Variants in KIF5C observed in about 807,000 individuals in gnomAD.
KIF5C encodes the protein kinesin heavy chain isoform 5C.
KIF5C carries 18 observed loss-of-function variants against 125.2 expected under a neutral mutation model. The ratio of observed to expected loss-of-function variants is 0.14; its 90% CI spans 0.10 to 0.21. KIF5C has a LOEUF of 0.21. Ranked by LOEUF, KIF5C falls within the 10% of genes least tolerant of loss-of-function variation. The pLI, the probability that KIF5C is intolerant of heterozygous loss-of-function variation, is 1.00. For missense variants in KIF5C, 780 were observed against 1,183.8 expected (o/e 0.66, Z 5.01); for synonymous variants, 405 against 434.0 (o/e 0.93, Z 0.83).
intron 9 of KIF5C, 48 bp downstream of exon 9, chr2:148,949,991 C>A (rs1469683732): frequency 1.1e-5 from 18 of 1,572,564 alleles, no homozygotes; most frequent in Non-Finnish European, 1.4e-5. Context: ...GAGAAACCAC[C>A]TTTTGGGGCC....
At chr2:148,947,088 T>C (rs1291346643) in intron 8 of KIF5C, 65 bp downstream of exon 8, 2 of 1,515,312 alleles carry the variant, frequency 1.3e-6, no homozygotes, top group African/African-American at 2.8e-5. Flanking sequence ...TGTGCAATGG[T>C]ATAATTTTTA....
intron 1 of KIF5C, among the ~76,000 whole-genome samples, chr2:148,913,550 G>T (rs1223372930): frequency 6.6e-6 from 1 of 152,194 alleles, no homozygotes; most frequent in African/African-American, 2.4e-5. Flanking sequence ...GCCTCTCTAT[G>T]CATCATACTT....
At chr2:148,913,124 T>C (rs2105069975) in intron 1 of KIF5C, among the ~76,000 whole-genome samples, 1 of 152,372 alleles carries the variant, frequency 6.6e-6, no homozygotes, top group South Asian at 2.1e-4. Flanking sequence ...ATCCATAATA[T>C]GTAGAAGCAA....
intron 3 of KIF5C, among the ~76,000 whole-genome samples, chr2:148,934,558 C>T (rs1471133488): frequency 1.8e-5 from 2 of 109,920 alleles, no homozygotes; most frequent in Non-Finnish European, 4.3e-5. Context: ...CACGCATACA[C>T]ACACACACAC....
At chr2:148,879,735 G>A (rs1681295473) in intron 1 of KIF5C, 1 of 152,226 alleles carries the variant, frequency 6.6e-6, no homozygotes, top group African/African-American at 2.4e-5. Flanking sequence ...GAAGCTCTCT[G>A]ACATGGTGAG....
rs184331639 is a variant in KIF5C, at chr2:148,960,177, A to G, written c.969-1794A>G. Among the ~76,000 whole-genome samples, 17 of 152,318 alleles carry G rather than the reference A, an allele frequency of 1.1e-4. No individual in the cohort carries two copies. The East Asian group carries it at 3.1e-3, about 28-fold the overall frequency. On this transcript the variant is annotated intron_variant, in intron 10 of 25. Coordinates refer to ENST00000435030, the MANE Select transcript of KIF5C (RefSeq NM_004522.3). The stretch of plus-strand genomic sequence containing the variant: ...AGGACCAGTTACACCAATGGTGATA[A>G]CCTTGCTGAGTCTGCTCACAAAATA...
intron 21 of KIF5C, among the ~76,000 whole-genome samples, chr2:149,004,442 C>T (rs1294507622): frequency 6.6e-6 from 1 of 152,140 alleles, no homozygotes; most frequent in Non-Finnish European, 1.5e-5. Flanking sequence ...TACATGGAGA[C>T]TTGAGCAGAC....
chr2:148,908,512 G>C (rs1482181311), intron 1 of KIF5C, among the ~76,000 whole-genome samples: 1 of 152,164 alleles, frequency 6.6e-6, no homozygotes, highest in African/African-American at 2.4e-5. Context: ...AGCGTAGTAG[G>C]AGAGGGGTTA....
chr2:148,901,137 T>C (rs1220700878), intron 1 of KIF5C, among the ~76,000 whole-genome samples: 1 of 152,176 alleles, frequency 6.6e-6, no homozygotes, highest in Non-Finnish European at 1.5e-5. Flanking sequence ...GTCAAAATCA[T>C]CTAGTGGAAT....
At chr2:148,944,885 A>G (rs988514182) in intron 7 of KIF5C, among the ~76,000 whole-genome samples, 11 of 152,082 alleles carry the variant, frequency 7.2e-5, no homozygotes, top group Non-Finnish European at 1.3e-4. Flanking sequence ...TTTGATTTGC[A>G]TTTCCCTAAT....
intron 15 of KIF5C, among the ~76,000 whole-genome samples, chr2:148,990,667 T>A (rs1681500977): frequency 2.0e-5 from 3 of 152,244 alleles, no homozygotes; most frequent in Non-Finnish European, 1.5e-5. Flanking sequence ...GTTACAGAGA[T>A]GTAAGGTGTA....
intron 1 of KIF5C, among the ~76,000 whole-genome samples, chr2:148,892,078 G>A (rs1681723334): frequency 6.6e-6 from 1 of 152,172 alleles, no homozygotes; most frequent in Admixed American, 6.5e-5. Flanking sequence ...GGAAACTTGG[G>A]CATAGAGAGG....
At position 149,018,501 on chromosome 2, in the gene KIF5C, A is replaced by G. The variant is rs1032825185; in HGVS notation, c.*8-4577A>G. The stretch of plus-strand genomic sequence containing the variant: ...ATGATCTTCTCTGCAACAGTTCTCA[A>G]AGTTCTTGGCCTTAGGACCTTTTCT... On this transcript the variant is annotated intron_variant, in intron 25 of 25. Coordinates refer to ENST00000435030, the MANE Select transcript of KIF5C (RefSeq NM_004522.3). Among the ~76,000 whole-genome samples, 96 of 152,058 alleles carry G rather than the reference A, an allele frequency of 6.3e-4. 1 individual carries two copies. The highest frequency in any genetic ancestry group is 2.3e-3 in the African/African-American group (95 of 41,378).
intron 12 of KIF5C, among the ~76,000 whole-genome samples, chr2:148,974,288 A>T (rs1352503181): frequency 3.3e-5 from 5 of 152,228 alleles, no homozygotes; most frequent in African/African-American, 1.2e-4. Flanking sequence ...TGATATTTTT[A>T]GCCTGATTTA....
At chr2:149,000,036 G>A (rs1036924029) in intron 19 of KIF5C, 3 of 169,578 alleles carry the variant, frequency 1.8e-5, no homozygotes, top group African/African-American at 4.7e-5. Flanking sequence ...AATGAGGGAA[G>A]GTGGAAATGG....
chr2:148,916,841 C>T (rs1681573666), intron 1 of KIF5C, among the ~76,000 whole-genome samples: 1 of 152,124 alleles, frequency 6.6e-6, no homozygotes, highest in South Asian at 2.1e-4. Flanking sequence ...TTCTAGAGCA[C>T]TGGATAGGGA....
intron 4 of KIF5C, among the ~76,000 whole-genome samples, chr2:148,937,929 G>A (rs1008376534): frequency 2.0e-5 from 3 of 152,178 alleles, no homozygotes; most frequent in African/African-American, 7.2e-5. Context: ...CTTGTGTTTT[G>A]AGCAGAGTGT....
intron 1 of KIF5C, among the ~76,000 whole-genome samples, chr2:148,886,974 G>C (rs1681545952): frequency 6.6e-6 from 1 of 152,112 alleles, no homozygotes; most frequent in African/African-American, 2.4e-5. Context: ...GTTTGAAAGG[G>C]GGAAAATATA....
intron 6 of KIF5C, among the ~76,000 whole-genome samples, chr2:148,942,409 GT>G (rs753325765): frequency 1.3e-5 from 2 of 152,082 alleles, no homozygotes; most frequent in Non-Finnish European, 2.9e-5. Context: ...AAGTGTTGCT[GT>G]TCAGTATGAA....
Sources: gnomAD v4.1 joint callset for allele counts (sites outside exome capture counted in the v4.1 genomes callset) on GRCh38, gnomAD v4.1.1 for gene constraint, MANE v1.5 for transcripts, NCBI Gene and HGNC (gene_info 2026-07-23, HGNC 2026-07-21) for gene names.